The following NSUN6 variants were observed in gnomAD, a reference collection of about 807,000 sequenced individuals.
NSUN6 encodes the protein NOP2/Sun RNA methyltransferase 6.
In NSUN6, 64 loss-of-function variants were observed where a neutral mutation model predicts 58.0. The observed-to-expected ratio is 1.10, with a 90% CI of 0.90 to 1.36. The LOEUF is 1.36. NSUN6 is among the 40% of genes most tolerant of loss of function. NSUN6 has a pLI of 0.00. For missense variants in NSUN6, 701 were observed against 550.1 expected (o/e 1.27, Z -2.74); for synonymous variants, 231 against 193.9 (o/e 1.19, Z -1.59).
chr10:18,557,129 A>G (rs1334210728), intron 8 of NSUN6, among the ~76,000 whole-genome samples: 1 of 151,488 alleles, frequency 6.6e-6, no homozygotes, highest in African/African-American at 2.4e-5. Flanking sequence ...GAAAGTAGAG[A>G]ATGGAATGGA....
At chr10:18,648,736 T>C (rs2059621505) in intron 1 of NSUN6, 91 bp from the exon 2 acceptor site, 1 of 700,822 alleles carries the variant, frequency 1.4e-6, no homozygotes, top group Non-Finnish European at 2.4e-6. Context: ...GAAACATCGC[T>C]TAGCAATTGT....
At chr10:18,571,644 G>C (rs1201988851) in intron 8 of NSUN6, among the ~76,000 whole-genome samples, 1 of 131,320 alleles carries the variant, frequency 7.6e-6, no homozygotes, top group East Asian at 2.3e-4. Context: ...CCACTGCACT[G>C]CACTCCATTT....
chr10:18,655,295 G>A (rs1324041741), upstream of NSUN6: 1 of 199,712 alleles, frequency 5.0e-6, no homozygotes, highest in African/African-American at 2.4e-5. Flanking sequence ...AAGCTACTAG[G>A]GTGCAGATTC....
chr10:18,585,898 CCA>C, intron 8 of NSUN6, 49 bp downstream of exon 8: 1 of 1,385,400 alleles, frequency 7.2e-7, no homozygotes, highest in Non-Finnish European at 1.0e-6. Flanking sequence ...ACACTGTATG[CCA>C]CAAATATATG....
chr10:18,573,925 G>A (rs113014090), intron 8 of NSUN6, among the ~76,000 whole-genome samples: 1,529 of 152,194 alleles, frequency 0.01, 10 homozygotes, highest in Non-Finnish European at 0.012. Flanking sequence ...ACAGTAAACT[G>A]TTATATCGAA....
chr10:18,614,305 T>A (rs1244226096), intron 5 of NSUN6, among the ~76,000 whole-genome samples, 155 bp downstream of exon 5: 1 of 151,398 alleles, frequency 6.6e-6, no homozygotes, highest in Non-Finnish European at 1.5e-5. Flanking sequence ...TGACCAAACA[T>A]CATGGAAATA....
At chr10:18,562,032 C>T (rs1216719529) in intron 8 of NSUN6, among the ~76,000 whole-genome samples, 3 of 144,890 alleles carry the variant, frequency 2.1e-5, no homozygotes, top group Non-Finnish European at 4.6e-5. Context: ...GAATGGAATG[C>T]GGAATGGAAT....
rs567605311 is a variant in NSUN6, at chr10:18,546,045, T to G, written c.1298A>C (p.Asp433Ala). ...RFDPSAVPLP[D>A]TDMDSLREAR... is the part of the protein sequence containing the mutation. ...CTCTCTAAGAGAGTCCATGTCAGTG[T>G]CCGGTAATGGCACAGCCGATGGATC... The change falls in exon 11 of 11, where the codon GAC (aspartate) becomes GCC (alanine). Residue 433 changes from aspartate (D) to alanine (A), a missense_variant. By Grantham distance (126) the Asp-to-Ala change is moderately radical. Coordinates refer to ENST00000377304, the MANE Select transcript of NSUN6 (RefSeq NM_182543.5). 1.6e-5 allele frequency: 25 copies of G among 1,602,338 alleles called. No individual in the cohort carries two copies. In the South Asian group the frequency reaches 2.1e-4, roughly 14 times the overall value.
At chr10:18,599,310 T>C (rs1318447158) in intron 6 of NSUN6, among the ~76,000 whole-genome samples, 1 of 152,168 alleles carries the variant, frequency 6.6e-6, no homozygotes, top group African/African-American at 2.4e-5. Flanking sequence ...TAGGCTAGTC[T>C]CAAACTTCTG....
chr10:18,649,414 T>C (rs1055025710), intron 1 of NSUN6, among the ~76,000 whole-genome samples: 1 of 152,174 alleles, frequency 6.6e-6, no homozygotes, highest in Non-Finnish European at 1.5e-5. Flanking sequence ...TTTAGTCTTA[T>C]CAAAACTGAA....
intron 8 of NSUN6, among the ~76,000 whole-genome samples, chr10:18,578,420 G>A (rs2056762566): frequency 6.6e-6 from 1 of 151,990 alleles, no homozygotes; most frequent in African/African-American, 2.4e-5. Flanking sequence ...TTCTAGTAGA[G>A]ATGGGGGTTT....
At chr10:18,560,419 G>A (rs1355337004) in intron 8 of NSUN6, among the ~76,000 whole-genome samples, 1 of 150,726 alleles carries the variant, frequency 6.6e-6, no homozygotes, top group East Asian at 2.0e-4. Flanking sequence ...GTGGGCAACG[G>A]AACAGAAAAT....
At chr10:18,558,248 T>C (rs2055196694) in intron 8 of NSUN6, among the ~76,000 whole-genome samples, 1 of 140,944 alleles carries the variant, frequency 7.1e-6, no homozygotes, top group African/African-American at 2.7e-5. Context: ...TAGTATGGAG[T>C]GCAATAGAGA....
At chr10:18,621,536 C>G (rs12252871) in intron 3 of NSUN6, among the ~76,000 whole-genome samples, 1 of 151,976 alleles carries the variant, frequency 6.6e-6, no homozygotes, top group Non-Finnish European at 1.5e-5. Flanking sequence ...ACTAGGAAAA[C>G]TAAAAGAGCA....
intron 6 of NSUN6, among the ~76,000 whole-genome samples, chr10:18,602,008 G>T (rs2057861551): frequency 6.6e-6 from 1 of 151,812 alleles, no homozygotes; most frequent in South Asian, 2.1e-4. Flanking sequence ...CCATCAAGAT[G>T]CTGGGGGAGA....
intron 8 of NSUN6, among the ~76,000 whole-genome samples, chr10:18,554,607 G>A (rs1316557176): frequency 6.6e-6 from 1 of 150,710 alleles, no homozygotes; most frequent in East Asian, 2.0e-4. Context: ...GGACTGTAGT[G>A]GAAAAAGGAC....
At chr10:18,566,344 A>G (rs1330354187) in intron 8 of NSUN6, among the ~76,000 whole-genome samples, 3 of 145,244 alleles carry the variant, frequency 2.1e-5, no homozygotes, top group Admixed American at 1.4e-4. Context: ...AATCCATTCC[A>G]TTCCGCAATC....
chr10:18,629,463 T>C (rs917618262), intron 3 of NSUN6, among the ~76,000 whole-genome samples: 17 of 150,228 alleles, frequency 1.1e-4, no homozygotes, highest in East Asian at 2.0e-4. Context: ...GACTGGCAAA[T>C]TGGATAAAGA....
chr10:18,625,720 T>TTA (rs2058772780), intron 3 of NSUN6, among the ~76,000 whole-genome samples: 10 of 53,812 alleles, frequency 1.9e-4, no homozygotes, highest in Admixed American at 3.1e-4. Flanking sequence ...GTTTTTTTTT[T>TTA]AAAAAAAAAA....
Sources: allele counts gnomAD v4.1 joint callset (sites outside exome capture counted in the v4.1 genomes callset), GRCh38; gene constraint gnomAD v4.1.1; transcripts MANE v1.5; gene names NCBI Gene and HGNC (gene_info 2026-07-23, HGNC 2026-07-21).